The following ADAMTS16 variants were observed in gnomAD, a reference collection of about 807,000 sequenced individuals.
ADAMTS16 encodes the protein A disintegrin and metalloproteinase with thrombospondin motifs 16.
In ADAMTS16, 94 loss-of-function variants were observed where a neutral mutation model predicts 145.8. The observed-to-expected ratio is 0.64, with a 90% CI of 0.55 to 0.77. The LOEUF is 0.77. Among genes scored for constraint, ADAMTS16 ranks in the 30% least tolerant of loss-of-function variants. ADAMTS16 has a pLI of 0.00. For synonymous variants in ADAMTS16, 659 were observed against 604.3 expected (o/e 1.09, Z -1.33); for missense variants, 1,585 against 1,591.5 (o/e 1.00, Z 0.07).
chr5:5,237,043 G>C lies in ADAMTS16; in HGVS notation c.2098G>C (p.Asp700His), dbSNP rs775594444. 1 of 1,613,998 alleles carries C rather than the reference G, an allele frequency of 6.2e-7. No homozygotes were observed. Residue 700 changes from aspartate to histidine, a missense_variant, in exon 14 of 23, where the codon GAT becomes CAT. Physicochemically the swap from Asp to His is moderately conservative, Grantham distance 81 (BLOSUM62 -1). Transcript: ENST00000274181. Reference protein sequence around the residue: ...FFFSLSNKVKDGTPCSEDSRN... With the variant: ...FFFSLSNKVKHGTPCSEDSRN... ...CTTTTCTTTGTCAAATAAAGTCAAA[G>C]ATGGGACTCCATGCTCGGAGGATAG...
chr5:5,275,108 T>G (rs1738637592), intron 18 of ADAMTS16, among the ~76,000 whole-genome samples: 1 of 152,194 alleles, frequency 6.6e-6, no homozygotes, highest in Non-Finnish European at 1.5e-5. Context: ...TGCTGAAAAG[T>G]GCAAGCTTCA....
At chr5:5,178,507 G>T (rs1373709081) in intron 3 of ADAMTS16, among the ~76,000 whole-genome samples, 1 of 152,170 alleles carries the variant, frequency 6.6e-6, no homozygotes, top group Non-Finnish European at 1.5e-5. Flanking sequence ...ACAAGCTAAT[G>T]AAGTAACTTT....
At chr5:5,170,869 G>A (rs894304883) in intron 3 of ADAMTS16, among the ~76,000 whole-genome samples, 1 of 152,060 alleles carries the variant, frequency 6.6e-6, no homozygotes, top group African/African-American at 2.4e-5. Context: ...AACTTGCAGG[G>A]ATCCCATTGG....
chr5:5,181,756 A>G (rs1264166027), intron 3 of ADAMTS16, among the ~76,000 whole-genome samples: 1 of 152,170 alleles, frequency 6.6e-6, no homozygotes, highest in East Asian at 1.9e-4. Context: ...TGACTTTGGT[A>G]TGCTGTGCAC....
intron 21 of ADAMTS16, among the ~76,000 whole-genome samples, chr5:5,309,827 CGTGTGTGTGT>C (rs35723690): frequency 6.8e-6 from 1 of 146,878 alleles, no homozygotes; most frequent in Non-Finnish European, 1.5e-5. Context: ...GTCATGTCCT[CGTGTGTGTGT>C]GTGTGTGTGT....
At chr5:5,207,931 A>G (rs953335416) in intron 9 of ADAMTS16, among the ~76,000 whole-genome samples, 7 of 152,082 alleles carry the variant, frequency 4.6e-5, no homozygotes, top group African/African-American at 9.7e-5. Context: ...ATTTGCTAAC[A>G]TTTTGTTGAG....
intron 18 of ADAMTS16, among the ~76,000 whole-genome samples, chr5:5,298,538 G>T (rs1400592089): frequency 2.6e-5 from 4 of 152,224 alleles, no homozygotes; most frequent in Admixed American, 2.6e-4. Flanking sequence ...GGACATCATT[G>T]TCTCCCAAGT....
chr5:5,140,419 G>A lies in ADAMTS16; in HGVS notation c.-49G>A, dbSNP rs1734119780. 1 of 1,482,416 alleles carries A rather than the reference G, an allele frequency of 6.7e-7. No homozygotes were observed. The highest frequency in any genetic ancestry group is 8.9e-7 in the Non-Finnish European group (1 of 1,123,512). 91.8% of individuals were successfully genotyped at this position (1,482,416 alleles called of 1,614,324 possible). A position where few individuals can be genotyped will look rare whatever the true frequency, so the allele number is the denominator to read the frequency against. On this transcript the variant is annotated 5_prime_UTR_variant, in exon 1 of 23. Transcript: ENST00000274181. ...GGTCCTCCCTGCCCGCTCGCACGCTGCCGGCCGGGGACCCTCCGGTGGCCC... is the reference window on the plus strand; with the variant it reads ...GGTCCTCCCTGCCCGCTCGCACGCTACCGGCCGGGGACCCTCCGGTGGCCC...
chr5:5,268,056 C>T (rs1738315022), intron 18 of ADAMTS16, among the ~76,000 whole-genome samples: 2 of 152,164 alleles, frequency 1.3e-5, no homozygotes, highest in South Asian at 4.1e-4. Flanking sequence ...CTCTTTATGC[C>T]TCAGTTTGCC....
intron 17 of ADAMTS16, among the ~76,000 whole-genome samples, chr5:5,249,383 C>T (rs1028000120): frequency 2.6e-5 from 4 of 152,088 alleles, no homozygotes; most frequent in South Asian, 2.1e-4. Flanking sequence ...AATGGAAACA[C>T]GGATTGGCAC....
chr5:5,232,569 A>T, intron 12 of ADAMTS16, 53 bp downstream of exon 12: 1 of 1,581,036 alleles, frequency 6.3e-7, no homozygotes, highest in Non-Finnish European at 8.6e-7. Context: ...CATGCCATGA[A>T]CCCTCCAAGC....
chr5:5,186,301 G>GGTGTGTGTGTGTGTGT lies in ADAMTS16; in HGVS notation c.963+69_963+84dup, dbSNP rs1553989063. 16 of 987,470 alleles carry GGTGTGTGTGTGTGTGT rather than the reference G, an allele frequency of 1.6e-5. No homozygotes were observed. In the African/African-American group the frequency reaches 2.2e-4, roughly 14 times the overall value. The allele number at this position is 987,470 out of a possible 1,614,324, so 61.2% of individuals were successfully genotyped here. The stretch of plus-strand genomic sequence containing the variant: ...CCACCTGTGTCATTGCACTTCGTAG[G>GGTGTGTGTGTGTGTGT]GTGTGTGTGTGTGTGTGTGTGTGTG... On this transcript the variant is annotated intron_variant, in intron 5 of 22. Transcript: ENST00000274181.
intron 3 of ADAMTS16, among the ~76,000 whole-genome samples, chr5:5,158,557 G>C (rs988176579): frequency 6.6e-5 from 10 of 152,142 alleles, no homozygotes; most frequent in Admixed American, 1.3e-4. Context: ...GAGCATATCT[G>C]AAAAGCAGGG....
intron 13 of ADAMTS16, 81 bp downstream of exon 13, chr5:5,235,267 G>T: frequency 1.5e-6 from 2 of 1,341,736 alleles, no homozygotes; most frequent in Non-Finnish European, 2.0e-6. Flanking sequence ...TTGAGAGTGT[G>T]GTGCACAAAT....
intron 10 of ADAMTS16, among the ~76,000 whole-genome samples, chr5:5,210,945 G>T (rs1736258707): frequency 6.6e-6 from 1 of 152,078 alleles, no homozygotes; most frequent in South Asian, 2.1e-4. Flanking sequence ...ACCTCACTTG[G>T]TCGTAATCTA....
chr5:5,151,780 A>G (rs906632959), intron 3 of ADAMTS16, among the ~76,000 whole-genome samples: 2 of 151,754 alleles, frequency 1.3e-5, no homozygotes, highest in Non-Finnish European at 2.9e-5. Context: ...AATTTTCAGT[A>G]TACAATACAG....
At chr5:5,299,513 AAT>A (rs1491173378) in intron 18 of ADAMTS16, among the ~76,000 whole-genome samples, 2 of 67,728 alleles carry the variant, frequency 3.0e-5, no homozygotes, top group Non-Finnish European at 7.6e-5. Context: ...ATGTCATTTT[AAT>A]TTTTTTTTTA....
At chr5:5,167,918 A>G (rs1734926895) in intron 3 of ADAMTS16, among the ~76,000 whole-genome samples, 1 of 152,242 alleles carries the variant, frequency 6.6e-6, no homozygotes, top group Admixed American at 6.5e-5. Context: ...TAACTGGAGA[A>G]GTGAGTTTTT....
intron 3 of ADAMTS16, among the ~76,000 whole-genome samples, chr5:5,172,319 T>C (rs1310519348): frequency 6.6e-6 from 1 of 152,044 alleles, no homozygotes; most frequent in Non-Finnish European, 1.5e-5. Context: ...TTTCTAGTTC[T>C]TTAAGATGCA....
Sources: gnomAD v4.1 joint callset for allele counts (sites outside exome capture counted in the v4.1 genomes callset) on GRCh38, gnomAD v4.1.1 for gene constraint, MANE v1.5 for transcripts, NCBI Gene and HGNC (gene_info 2026-07-23, HGNC 2026-07-21) for gene names.